MAP3K5: variants seen among roughly 807,000 people sequenced by gnomAD.
The protein encoded by MAP3K5 is mitogen-activated protein kinase kinase kinase 5.
MAP3K5 carries 56 observed loss-of-function variants against 158.7 expected under a neutral mutation model. That is an observed-to-expected ratio of 0.35 (90% CI 0.28 to 0.44). The LOEUF (loss-of-function observed/expected upper bound fraction) is 0.44. MAP3K5 is among the 20% of genes least tolerant of loss of function. The probability of loss-of-function intolerance (pLI) is 1.00; values close to 1 mark genes in which losing one functional copy is unlikely to be tolerated. For missense variants in MAP3K5, 1,294 were observed against 1,674.8 expected, an observed-to-expected ratio of 0.77 and a Z score of 3.97; for synonymous variants, 579 against 601.7, an observed-to-expected ratio of 0.96 and a Z score of 0.55.
rs1778749206 is a variant in MAP3K5 at position 136,656,393 on chromosome 6, G to A, written c.1594C>T (p.Pro532Ser). Residue 532 changes from proline (P) to serine (S), a missense_variant, in exon 10 of 30, where the codon CCT (proline) becomes TCT (serine). Pro to Ser is a moderately conservative substitution (Grantham distance 74). Around this residue, in one of 5 missense-constraint regions of MAP3K5, gnomAD observed 690 missense variants for 870.5 expected, o/e 0.79. Transcript: ENST00000359015. ...TCCACAAGTTCTTGCTTGGCCACAG[G>A]CTGTTCTGTGGTCAGTTTCACAAAA... ...KHFVKLTTEQPVAKQELVDFW... is the reference protein window; with the variant it reads ...KHFVKLTTEQSVAKQELVDFW... 1.2e-6 allele frequency: 2 copies of A among 1,611,786 alleles called. No homozygotes were observed. The highest frequency in any genetic ancestry group is 1.7e-5 in the Admixed American group (1 of 59,960).
At chr6:136,755,592 C>T (rs910273463) in intron 1 of MAP3K5, among the ~76,000 whole-genome samples, 8 of 150,822 alleles carry the variant, frequency 5.3e-5, no homozygotes, top group Non-Finnish European at 7.4e-5. Flanking sequence ...TGGCACACGC[C>T]TGTGGTCACA....
intron 3 of MAP3K5, 85 bp downstream of exon 3, chr6:136,705,025 T>C: frequency 1.5e-6 from 1 of 660,878 alleles, no homozygotes; most frequent in Non-Finnish European, 2.5e-6. Context: ...AATTAATAAT[T>C]TGTGGAGATT....
At chr6:136,710,163 G>A (rs1231091295) in intron 2 of MAP3K5, among the ~76,000 whole-genome samples, 2 of 152,138 alleles carry the variant, frequency 1.3e-5, no homozygotes, top group Non-Finnish European at 2.9e-5. Context: ...GGTATCTAGA[G>A]CAGAGAATGC....
intron 11 of MAP3K5, among the ~76,000 whole-genome samples, chr6:136,649,266 A>C (rs558404668): frequency 6.6e-6 from 1 of 152,294 alleles, no homozygotes; most frequent in Admixed American, 6.5e-5. Flanking sequence ...CACTGTGCCC[A>C]GCTGGAATCT....
At chr6:136,573,857 C>T (rs1237184278) in intron 25 of MAP3K5, among the ~76,000 whole-genome samples, 1 of 151,960 alleles carries the variant, frequency 6.6e-6, no homozygotes, top group Non-Finnish European at 1.5e-5. Flanking sequence ...GGATCAACAA[C>T]AAAACTATTC....
At chr6:136,770,325 G>A (rs540042803) in intron 1 of MAP3K5, among the ~76,000 whole-genome samples, 1 of 152,116 alleles carries the variant, frequency 6.6e-6, no homozygotes, top group African/African-American at 2.4e-5. Flanking sequence ...AAGTAGAAAA[G>A]GTTAAATTAT....
In MAP3K5 at chr6:136,764,889, A is replaced by G. The variant is rs1034111964; in HGVS notation, c.448+26821T>C. 7.9e-5 allele frequency among the ~76,000 whole-genome samples: 12 copies of G among 152,160 alleles called. No individual in the cohort carries two copies. In the East Asian group the frequency reaches 2.3e-3, roughly 29 times the overall value. On this transcript the variant is annotated intron_variant, in intron 1 of 29. Coordinates refer to ENST00000359015, the MANE Select transcript of MAP3K5 (RefSeq NM_005923.4). Reference sequence around the variant, plus strand: ...TGGCCCTAATTGATGTGTTTGTCTCACTGCATCTCAGAAGCTGGGACAAGT... The same window carrying G: ...TGGCCCTAATTGATGTGTTTGTCTCGCTGCATCTCAGAAGCTGGGACAAGT...
intron 25 of MAP3K5, among the ~76,000 whole-genome samples, chr6:136,572,280 C>T (rs62422067): frequency 0.027 from 4,099 of 151,152 alleles, 77 homozygotes; most frequent in South Asian, 0.043. Context: ...TTTTTTAAGA[C>T]GGGGTTTTGC....
intron 9 of MAP3K5, among the ~76,000 whole-genome samples, chr6:136,658,837 A>G (rs1297244502): frequency 6.6e-6 from 1 of 152,252 alleles, no homozygotes; most frequent in Non-Finnish European, 1.5e-5. Context: ...TAGATCACAG[A>G]GGAAACAAAG....
chr6:136,738,938 G>A (rs552501022), intron 1 of MAP3K5, among the ~76,000 whole-genome samples: 11 of 111,922 alleles, frequency 9.8e-5, no homozygotes, highest in East Asian at 2.6e-4. Context: ...ACACACACAC[G>A]CGTGCACACA....
At chr6:136,742,089 CA>C (rs1782732444) in intron 1 of MAP3K5, among the ~76,000 whole-genome samples, 1 of 152,128 alleles carries the variant, frequency 6.6e-6, no homozygotes, top group Non-Finnish European at 1.5e-5. Context: ...CCTATATATT[CA>C]ATGCAATCTC....
At chr6:136,768,464 T>C (rs769557929) in intron 1 of MAP3K5, among the ~76,000 whole-genome samples, 1 of 152,206 alleles carries the variant, frequency 6.6e-6, no homozygotes, top group Non-Finnish European at 1.5e-5. Flanking sequence ...CATTAGTCAT[T>C]AGGTAAATGC....
intron 14 of MAP3K5, among the ~76,000 whole-genome samples, chr6:136,634,557 G>T (rs1051642944): frequency 6.6e-6 from 1 of 151,980 alleles, no homozygotes; most frequent in East Asian, 1.9e-4. Flanking sequence ...GGATAGAAAT[G>T]TAAGAATGTT....
chr6:136,720,630 A>T, intron 1 of MAP3K5, 41 bp from the exon 2 acceptor site: 1 of 1,510,080 alleles, frequency 6.6e-7, no homozygotes, highest in East Asian at 2.3e-5. Context: ...ATGACACCCA[A>T]ATAATGCCCA....
At chr6:136,572,732 G>T (rs1209212327) in intron 25 of MAP3K5, among the ~76,000 whole-genome samples, 1 of 152,196 alleles carries the variant, frequency 6.6e-6, no homozygotes, top group Non-Finnish European at 1.5e-5. Context: ...GTAGAAACTT[G>T]TAAGTTCATG....
At chr6:136,647,134 C>T (rs1472822675) in intron 11 of MAP3K5, among the ~76,000 whole-genome samples, 1 of 152,162 alleles carries the variant, frequency 6.6e-6, no homozygotes, top group Non-Finnish European at 1.5e-5. Flanking sequence ...TCTCTACCTG[C>T]CTCATATCTA....
In MAP3K5 at chr6:136,791,599, A is replaced by G; in HGVS notation, c.448+111T>C. 10 of 1,181,668 alleles carry G rather than the reference A, an allele frequency of 8.5e-6. No individual in the cohort carries two copies. The South Asian group carries it at 9.7e-5, about 11-fold the overall frequency. The allele number at this position is 1,181,668 out of a possible 1,614,324, so 73.2% of individuals were successfully genotyped here. Reference sequence around the variant, plus strand: ...ACGCAGCGGCGCTCGCTGCCCCCAAAGTGGGGCAAGAAGTAAATGCTTCCC... The same window carrying G: ...ACGCAGCGGCGCTCGCTGCCCCCAAGGTGGGGCAAGAAGTAAATGCTTCCC... On this transcript the variant is annotated intron_variant, in intron 1 of 29. Coordinates refer to ENST00000359015, the MANE Select transcript of MAP3K5 (RefSeq NM_005923.4).
At chr6:136,760,070 A>G (rs1562681816) in intron 1 of MAP3K5, among the ~76,000 whole-genome samples, 1 of 152,200 alleles carries the variant, frequency 6.6e-6, no homozygotes. Context: ...ACAGACATCA[A>G]AGAAAGCAGG....
intron 11 of MAP3K5, among the ~76,000 whole-genome samples, chr6:136,645,740 T>C (rs1778222224): frequency 6.6e-6 from 1 of 152,192 alleles, no homozygotes. Flanking sequence ...TCCTTGGGAA[T>C]TGGTATATAA....
Sources: allele counts gnomAD v4.1 joint callset (sites outside exome capture counted in the v4.1 genomes callset), GRCh38; gene constraint gnomAD v4.1.1; regional missense constraint gnomAD v4.1.1; transcripts MANE v1.5; gene names NCBI Gene and HGNC (gene_info 2026-07-23, HGNC 2026-07-21).